Variants in SHTN1 observed in about 807,000 individuals in gnomAD.
SHTN1 encodes shootin 1.
SHTN1 carries 42 observed loss-of-function variants against 83.1 expected under a neutral mutation model. The ratio of observed to expected loss-of-function variants is 0.51; its 90% CI spans 0.39 to 0.65. The LOEUF (loss-of-function observed/expected upper bound fraction) is 0.65. SHTN1 is among the 30% of genes least tolerant of loss of function. SHTN1 has a pLI of 0.00. For synonymous variants in SHTN1, 224 were observed against 247.7 expected (o/e 0.90, Z 0.90); for missense variants, 622 against 737.8 (o/e 0.84, Z 1.82).
chr10:117,076,543 G>A (rs718371), intron 1 of SHTN1, among the ~76,000 whole-genome samples: 3,584 of 150,688 alleles, frequency 0.024, 129 homozygotes, highest in East Asian at 0.12. Flanking sequence ...CCTGAAAAAT[G>A]TGCACAAATA....
chr10:117,066,413 G>A (rs1246268569), intron 1 of SHTN1, among the ~76,000 whole-genome samples: 1 of 152,198 alleles, frequency 6.6e-6, no homozygotes, highest in Non-Finnish European at 1.5e-5. Context: ...AAACAGTAGT[G>A]TTATGGGTAG....
intron 13 of SHTN1, among the ~76,000 whole-genome samples, chr10:116,913,743 G>A (rs1394002020): frequency 2.0e-5 from 3 of 152,166 alleles, no homozygotes; most frequent in African/African-American, 7.2e-5. Context: ...GCATTTTAAA[G>A]TATTTTCACA....
intron 11 of SHTN1, among the ~76,000 whole-genome samples, chr10:116,926,178 G>GA (rs930349625): frequency 5.3e-5 from 8 of 151,860 alleles, no homozygotes; most frequent in Non-Finnish European, 1.2e-4. Flanking sequence ...TGCTCTTTGG[G>GA]AAAAAAAATT....
intron 2 of SHTN1, among the ~76,000 whole-genome samples, chr10:117,019,967 A>C (rs1424626787): frequency 6.6e-6 from 1 of 152,194 alleles, no homozygotes; most frequent in African/African-American, 2.4e-5. Flanking sequence ...TCAAATGCCA[A>C]ATTCATCTAC....
At chr10:117,018,603 G>C (rs1330184994) in intron 2 of SHTN1, among the ~76,000 whole-genome samples, 1 of 125,070 alleles carries the variant, frequency 8.0e-6, no homozygotes, top group Non-Finnish European at 1.6e-5. Flanking sequence ...ATGGAGTCTT[G>C]CTCTGCTACC....
intron 2 of SHTN1, among the ~76,000 whole-genome samples, chr10:117,044,804 G>A (rs56327824): frequency 0.022 from 3,292 of 152,034 alleles, 120 homozygotes; most frequent in African/African-American, 0.072. Context: ...AATGAGAGAC[G>A]ATGAAATTTC....
chr10:117,049,122 T>G (rs144931419), intron 1 of SHTN1, among the ~76,000 whole-genome samples: 2 of 152,256 alleles, frequency 1.3e-5, no homozygotes, highest in East Asian at 3.9e-4. Flanking sequence ...TGGGCTCAGA[T>G]TGTATCACAA....
intron 12 of SHTN1, among the ~76,000 whole-genome samples, chr10:116,916,295 A>T (rs774203609): frequency 6.6e-6 from 1 of 152,238 alleles, no homozygotes; most frequent in Non-Finnish European, 1.5e-5. Flanking sequence ...CTCTTGTAGA[A>T]TAGCTTGACC....
intron 2 of SHTN1, among the ~76,000 whole-genome samples, chr10:117,014,032 T>C (rs377424715): frequency 1.5e-4 from 23 of 152,284 alleles, no homozygotes; most frequent in African/African-American, 5.3e-4. Flanking sequence ...TTAAATTTAA[T>C]AATCCAGACC....
intron 4 of SHTN1, among the ~76,000 whole-genome samples, chr10:116,954,473 C>T (rs1203283824): frequency 6.6e-6 from 1 of 152,042 alleles, no homozygotes; most frequent in Non-Finnish European, 1.5e-5. Context: ...AGATAAAACA[C>T]CAGTACAGAT....
chr10:116,970,962 T>A (rs542758396), intron 2 of SHTN1, among the ~76,000 whole-genome samples: 3 of 152,206 alleles, frequency 2.0e-5, no homozygotes, highest in African/African-American at 7.2e-5. Context: ...GCATTCCTTA[T>A]TTTTGAATTT....
At chr10:116,896,963 C>T (rs1326850678) in intron 16 of SHTN1, among the ~76,000 whole-genome samples, 1 of 152,098 alleles carries the variant, frequency 6.6e-6, no homozygotes, top group African/African-American at 2.4e-5. Flanking sequence ...TGTGCCACCA[C>T]ACCCAACTAA....
chr10:116,919,565 G>C (rs1461251764), intron 12 of SHTN1, among the ~76,000 whole-genome samples: 4 of 152,264 alleles, frequency 2.6e-5, no homozygotes, highest in African/African-American at 9.6e-5. Flanking sequence ...TATCAAAGTT[G>C]ACAAGTTGGT....
chr10:117,115,993 A>C (rs1853840349), intron 1 of SHTN1, among the ~76,000 whole-genome samples: 1 of 152,150 alleles, frequency 6.6e-6, no homozygotes, highest in Admixed American at 6.5e-5. Flanking sequence ...TAATTATAGA[A>C]ATCATTTCCC....
intron 1 of SHTN1, among the ~76,000 whole-genome samples, chr10:117,093,007 C>T (rs11197895): frequency 0.08 from 12,188 of 152,200 alleles, 651 homozygotes; most frequent in Non-Finnish European, 0.12. Flanking sequence ...GCAGCCAATA[C>T]TTATAGAGTC....
Position 117,061,227 on chromosome 10 carries a change from AC to A in SHTN1, c.-188-12718del, listed in dbSNP as rs1206733021. ...AGTGGCACGATCCTGGCTCACTGCA[AC>A]CTCCATCTCCTGGGTTCAAGCAATT... On this transcript the variant is annotated intron_variant, in intron 1 of 17. Transcript: ENST00000392901. 4.9e-4 allele frequency among the ~76,000 whole-genome samples: 73 copies of A among 149,594 alleles called. 2 individuals are homozygous for A. The Admixed American group carries it at 4.9e-3, about 10-fold the overall frequency.
chr10:117,071,967 C>G (rs1370144460), intron 1 of SHTN1, among the ~76,000 whole-genome samples: 1 of 152,140 alleles, frequency 6.6e-6, no homozygotes, highest in Non-Finnish European at 1.5e-5. Context: ...AAGATGCAGA[C>G]CTTTTCTAAG....
intron 1 of SHTN1, among the ~76,000 whole-genome samples, chr10:117,106,474 A>C (rs1037238309): frequency 2.0e-5 from 3 of 152,248 alleles, no homozygotes; most frequent in African/African-American, 4.8e-5. Flanking sequence ...AAATAATAAC[A>C]AAACAGCTCT....
In SHTN1 at chr10:116,945,094, G is replaced by A. The variant is rs144927536; in HGVS notation, c.617-76C>T. On this transcript the variant is annotated intron_variant, in intron 7 of 16. Transcript: ENST00000355371. Reference sequence around the variant, plus strand: ...ATCAGGAATATGGATGAAAAACAGTGTTGAAAAGATTTTTCATACCAGCAT... The same window carrying A: ...ATCAGGAATATGGATGAAAAACAGTATTGAAAAGATTTTTCATACCAGCAT... 2.2e-3 allele frequency: 2,041 copies of A among 928,464 alleles called. 57 individuals are homozygous for A. The Admixed American group carries it at 0.042, about 19-fold the overall frequency. The allele number at this position is 928,464 out of a possible 1,614,324, so 57.5% of individuals were successfully genotyped here. A position where few individuals can be genotyped will look rare whatever the true frequency, so the allele number is the denominator to read the frequency against.
Sources: gnomAD v4.1 joint callset for allele counts (sites outside exome capture counted in the v4.1 genomes callset) on GRCh38, gnomAD v4.1.1 for gene constraint, MANE v1.5 for transcripts, NCBI Gene and HGNC (gene_info 2026-07-23, HGNC 2026-07-21) for gene names.